The following SPART variants were observed in gnomAD, a reference collection of about 807,000 sequenced individuals.
The protein encoded by SPART is spartin, also known as spastic paraplegia 20 (Troyer syndrome).
SPART carries 35 observed loss-of-function variants against 58.7 expected under a neutral mutation model. That is an observed-to-expected ratio of 0.60 (90% confidence interval 0.46 to 0.79). SPART has a LOEUF of 0.79. Among genes scored for constraint, SPART ranks in the 30% least tolerant of loss-of-function variants. The probability of loss-of-function intolerance (pLI) is 0.00; values close to 1 mark genes in which losing one functional copy is unlikely to be tolerated. For missense variants in SPART, 730 were observed against 786.1 expected, an observed-to-expected ratio of 0.93 and a Z score of 0.85; for synonymous variants, 284 against 280.7, an observed-to-expected ratio of 1.01 and a Z score of -0.12.
intron 1 of SPART, among the ~76,000 whole-genome samples, chr13:36,360,915 C>G (rs1483685322): frequency 1.3e-5 from 2 of 152,136 alleles, no homozygotes; most frequent in Non-Finnish European, 2.9e-5. Flanking sequence ...AGATGCCATG[C>G]AGGCTCTAAA....
upstream of SPART, among the ~76,000 whole-genome samples, chr13:36,346,974 T>G (rs1198153460): frequency 2.6e-5 from 4 of 152,192 alleles, no homozygotes; most frequent in Non-Finnish European, 4.4e-5. Flanking sequence ...GCACCACGTG[T>G]TTTAAGTCTT....
At chr13:36,360,083 C>T (rs542069105) in intron 1 of SPART, among the ~76,000 whole-genome samples, 1 of 151,808 alleles carries the variant, frequency 6.6e-6, no homozygotes, top group East Asian at 1.9e-4. Flanking sequence ...ATCACGAGGT[C>T]AGGAGATCGA....
At chr13:36,343,352 A>T (rs1459917333) in intron 1 of SPART, among the ~76,000 whole-genome samples, 1 of 152,274 alleles carries the variant, frequency 6.6e-6, no homozygotes, top group East Asian at 1.9e-4. Flanking sequence ...AAAAAGTAAA[A>T]TTTTTTAAAA....
intron 1 of SPART, among the ~76,000 whole-genome samples, chr13:36,338,822 T>A (rs1884276128): frequency 6.6e-6 from 1 of 151,924 alleles, no homozygotes; most frequent in African/African-American, 2.4e-5. Flanking sequence ...AGGAATCTGA[T>A]CATCACCAAG....
upstream of SPART, among the ~76,000 whole-genome samples, chr13:36,351,332 C>T (rs949995463): frequency 6.7e-6 from 1 of 149,896 alleles, no homozygotes; most frequent in South Asian, 2.1e-4. Flanking sequence ...AAAGTTTGCA[C>T]TCAATAAATA....
At chr13:36,325,163 T>C (rs971854690) in intron 5 of SPART, among the ~76,000 whole-genome samples, 1 of 152,278 alleles carries the variant, frequency 6.6e-6, no homozygotes, top group East Asian at 1.9e-4. Context: ...GAAAACGACC[T>C]TTGAATTTAG....
chr13:36,360,161 G>T (rs1303777700), intron 1 of SPART, among the ~76,000 whole-genome samples: 1 of 151,742 alleles, frequency 6.6e-6, no homozygotes. Flanking sequence ...CAGGCATGGT[G>T]GCACACGCCT....
chr13:36,339,332 A>C (rs894431991), intron 1 of SPART, among the ~76,000 whole-genome samples: 15 of 152,134 alleles, frequency 9.9e-5, no homozygotes, highest in Non-Finnish European at 2.9e-5. Context: ...AATAATAAAT[A>C]AGAAAATTAG....
chr13:36,316,026 C>A (rs1480042381), intron 5 of SPART, among the ~76,000 whole-genome samples: 2 of 152,156 alleles, frequency 1.3e-5, no homozygotes, highest in Non-Finnish European at 2.9e-5. Context: ...TAAGGAAATG[C>A]AATATTTCAT....
At chr13:36,354,234 T>A (rs1408842870) in intron 1 of SPART, among the ~76,000 whole-genome samples, 1 of 152,196 alleles carries the variant, frequency 6.6e-6, no homozygotes, top group Non-Finnish European at 1.5e-5. Flanking sequence ...CATCATAAGA[T>A]GTTCTACCAT....
At chr13:36,325,171 T>G (rs1026144023) in intron 5 of SPART, among the ~76,000 whole-genome samples, 2 of 152,180 alleles carry the variant, frequency 1.3e-5, no homozygotes, top group Non-Finnish European at 2.9e-5. Flanking sequence ...CCTTTGAATT[T>G]AGTGTGTTGG....
intron 1 of SPART, among the ~76,000 whole-genome samples, chr13:36,357,289 A>G (rs992346688): frequency 1.3e-5 from 2 of 152,178 alleles, no homozygotes; most frequent in East Asian, 1.9e-4. Context: ...CCCCTTGCGC[A>G]TTGATGGCCA....
chr13:36,347,550 G>A (rs1338602535), upstream of SPART, among the ~76,000 whole-genome samples: 4 of 152,150 alleles, frequency 2.6e-5, no homozygotes, highest in Admixed American at 6.5e-5. Flanking sequence ...ACCGCGCCTG[G>A]CCTTAGGACC....
chr13:36,335,661 AT>A lies in SPART; in HGVS notation c.169del (p.Ile57SerfsTer25), dbSNP rs1883934381. 1 of 1,614,056 alleles carries A rather than the reference AT, an allele frequency of 6.2e-7. No individual in the cohort carries two copies. The highest frequency in any genetic ancestry group is 1.7e-5 in the Admixed American group (1 of 60,014). On this transcript the variant is annotated frameshift_variant, in exon 2 of 9. Transcript: ENST00000438666. LOFTEE classifies it high-confidence loss of function. ...KQGIGHLLRG[I>X]SISSKESEHT... The stretch of plus-strand genomic sequence containing the variant: ...TTCAGACTCTTTTGATGAAATGCTG[AT>A]CCCTCTGAGCAGGTGTCCTATTCCT...
At chr13:36,350,285 G>T (rs200632869), upstream of SPART, among the ~76,000 whole-genome samples, 1 of 152,070 alleles carries the variant, frequency 6.6e-6, no homozygotes, top group African/African-American at 2.4e-5. Flanking sequence ...AAGTTATGCC[G>T]GTGAACACTT....
intron 5 of SPART, among the ~76,000 whole-genome samples, chr13:36,319,169 CT>C (rs1389320449): frequency 2.0e-5 from 3 of 148,690 alleles, no homozygotes; most frequent in East Asian, 2.1e-4. Context: ...TTAAGCACTC[CT>C]TTTTAGTTAT....
rs1203042610 is a variant in SPART at position 36,335,057 on chromosome 13, G to A, written c.774C>T (p.Leu258=). ...CGGGAGGACGGTTTAGAACCGTATC[G>A]AGAGAATTATCCAAAAACCTCACAA... ...LRIVRFLDNS[L]DTVLNRPPGF... is the part of the protein sequence containing the mutation. Residue 258 remains leucine, a synonymous_variant, in exon 2 of 9, where the codon CTC becomes CTT. Coordinates refer to ENST00000438666, the MANE Select transcript of SPART (RefSeq NM_015087.5). 16 of 1,613,906 alleles carry A rather than the reference G, an allele frequency of 9.9e-6. No homozygotes were observed. The highest frequency in any genetic ancestry group is 4.5e-5 in the East Asian group (2 of 44,882).
upstream of SPART, among the ~76,000 whole-genome samples, chr13:36,348,604 T>C (rs1332555199): frequency 1.4e-5 from 2 of 140,504 alleles, no homozygotes; most frequent in Non-Finnish European, 1.6e-5. Flanking sequence ...CCATTCATAA[T>C]ATTATCAAGA....
chr13:36,324,138 A>C (rs1882680850), intron 5 of SPART, among the ~76,000 whole-genome samples: 1 of 152,216 alleles, frequency 6.6e-6, no homozygotes, highest in Admixed American at 6.5e-5. Context: ...TTTCCACAAG[A>C]TCTTGACATT....
Sources: gnomAD v4.1 joint callset for allele counts (sites outside exome capture counted in the v4.1 genomes callset) on GRCh38, gnomAD v4.1.1 for gene constraint, MANE v1.5 for transcripts, NCBI Gene and HGNC (gene_info 2026-07-23, HGNC 2026-07-21) for gene names.